ENTREP2: variants seen among roughly 807,000 people sequenced by gnomAD.
The protein encoded by ENTREP2 is protein ENTREP2.
At chr15:29,657,407 C>G in the ENTREP2 span, among the ~76,000 whole-genome samples, 1 of 135,502 alleles carries the variant, frequency 7.4e-6, no homozygotes, top group Non-Finnish European at 1.5e-5. Context: ...GCAGTAGCAG[C>G]TATAAAGAAG....
At chr15:29,346,842 C>A in the ENTREP2 span, among the ~76,000 whole-genome samples, 1 of 152,176 alleles carries the variant, frequency 6.6e-6, no homozygotes, top group South Asian at 2.1e-4. Context: ...TGGCCACACA[C>A]TAAAGCTAAA....
At chr15:29,279,743 G>A in the ENTREP2 span, among the ~76,000 whole-genome samples, 12 of 152,082 alleles carry the variant, frequency 7.9e-5, no homozygotes, top group Admixed American at 3.3e-4. Context: ...TAAGTCTACC[G>A]ATCCACATAA....
chr15:29,481,368 G>C, the ENTREP2 span, among the ~76,000 whole-genome samples: 6 of 152,132 alleles, frequency 3.9e-5, no homozygotes, highest in Admixed American at 3.3e-4. Context: ...TAATGGATGG[G>C]CCACACTCAG....
chr15:29,385,291 T>C, the ENTREP2 span, among the ~76,000 whole-genome samples: 1 of 152,212 alleles, frequency 6.6e-6, no homozygotes, highest in African/African-American at 2.4e-5. Context: ...TTTTATCTTA[T>C]TAAGCTACAG....
At chr15:29,565,821 T>C in the ENTREP2 span, among the ~76,000 whole-genome samples, 3 of 151,406 alleles carry the variant, frequency 2.0e-5, no homozygotes, top group South Asian at 2.1e-4. Context: ...ATTAGCAGGG[T>C]GTGGTGGCGG....
chr15:29,398,934 G>A, the ENTREP2 span, among the ~76,000 whole-genome samples: 3 of 151,938 alleles, frequency 2.0e-5, no homozygotes, highest in Non-Finnish European at 4.4e-5. Context: ...TTGCTGTTGA[G>A]TTCATCAAAA....
chr15:29,211,453 T>C, the ENTREP2 span, among the ~76,000 whole-genome samples: 4,419 of 152,330 alleles, frequency 0.029, 226 homozygotes, highest in African/African-American at 0.1. Flanking sequence ...ACAAATCGTT[T>C]TCAGAATATG....
the ENTREP2 span, among the ~76,000 whole-genome samples, chr15:29,617,835 C>T: frequency 6.6e-6 from 1 of 152,330 alleles, no homozygotes; most frequent in African/African-American, 2.4e-5. Flanking sequence ...GAGCCTGAGG[C>T]CCAGGGCAGC....
the ENTREP2 span, among the ~76,000 whole-genome samples, chr15:29,523,225 T>C: frequency 6.6e-6 from 1 of 152,190 alleles, no homozygotes; most frequent in Non-Finnish European, 1.5e-5. Context: ...AAAATACTGT[T>C]AGAGGTAATA....
At chr15:29,233,854 T>C in the ENTREP2 span, 1 of 1,582,096 alleles carries the variant, frequency 6.3e-7, no homozygotes, top group East Asian at 2.2e-5. Context: ...GAGGGCTTTC[T>C]GTGGGAGATG....
chr15:29,657,486 G>GGGGGGGGT, the ENTREP2 span, among the ~76,000 whole-genome samples: 4 of 78,070 alleles, frequency 5.1e-5, no homozygotes, highest in South Asian at 1.9e-3. Flanking sequence ...GGGGGGGCGG[G>GGGGGGGGT]GGGGGGGGGT....
chr15:29,211,278 T>C, the ENTREP2 span, among the ~76,000 whole-genome samples: 1 of 152,222 alleles, frequency 6.6e-6, no homozygotes, highest in South Asian at 2.1e-4. Context: ...CATGGTGTTC[T>C]GTGACCGTGG....
chr15:29,242,787 C>T, the ENTREP2 span, among the ~76,000 whole-genome samples: 1 of 152,186 alleles, frequency 6.6e-6, no homozygotes. Flanking sequence ...CAGAGAACCG[C>T]AGAGCTGGGG....
At chr15:29,159,863 T>C in the ENTREP2 span, among the ~76,000 whole-genome samples, 3 of 152,256 alleles carry the variant, frequency 2.0e-5, no homozygotes, top group Admixed American at 2.0e-4. Context: ...GGAGCCCAGC[T>C]GGCTTCACCC....
the ENTREP2 span, among the ~76,000 whole-genome samples, chr15:29,583,685 A>G: frequency 2.0e-5 from 3 of 152,344 alleles, no homozygotes; most frequent in Middle Eastern, 3.4e-3. Context: ...GGATGCAGAT[A>G]AACTATCATC....
chr15:29,258,119 A>C, the ENTREP2 span, among the ~76,000 whole-genome samples: 1 of 151,588 alleles, frequency 6.6e-6, no homozygotes, highest in Admixed American at 6.6e-5. Context: ...AGGCTGAGGC[A>C]GAAGAATCGC....
the ENTREP2 span, chr15:29,613,679 CA>C: frequency 5.8e-6 from 1 of 171,770 alleles, no homozygotes; most frequent in Non-Finnish European, 1.2e-5. Flanking sequence ...GCTGACCACA[CA>C]AAACTATGAG....
At chr15:29,588,274 C>T in the ENTREP2 span, among the ~76,000 whole-genome samples, 1 of 152,064 alleles carries the variant, frequency 6.6e-6, no homozygotes, top group African/African-American at 2.4e-5. Context: ...AAACTCCAGA[C>T]TCCAAATGTC....
chr15:29,555,891 A>G, the ENTREP2 span, among the ~76,000 whole-genome samples: 1 of 152,076 alleles, frequency 6.6e-6, no homozygotes, highest in Admixed American at 6.5e-5. Flanking sequence ...CTGTGCCCAC[A>G]CCCCTGTCAA....
Sources: gnomAD v4.1 joint callset for allele counts (sites outside exome capture counted in the v4.1 genomes callset) on GRCh38, gnomAD v4.1.1 for gene constraint, MANE v1.5 for transcripts, NCBI Gene and HGNC (gene_info 2026-07-23, HGNC 2026-07-21) for gene names.